The following FREM2 variants were observed in gnomAD, a reference collection of about 807,000 sequenced individuals.
FREM2 encodes FRAS1-related extracellular matrix protein 2.
FREM2 carries 119 observed loss-of-function variants against 219.9 expected under a neutral mutation model. That is an observed-to-expected ratio of 0.54 (90% CI 0.47 to 0.63). The LOEUF (loss-of-function observed/expected upper bound fraction) is 0.63, where lower values mean the gene tolerates loss of function less well. FREM2 is among the 30% of genes least tolerant of loss of function. The pLI, the probability that FREM2 is intolerant of heterozygous loss-of-function variation, is 0.00. For missense variants in FREM2, 4,030 were observed against 3,993.6 expected (o/e 1.01, Z -0.25); for synonymous variants, 1,562 against 1,522.8 (o/e 1.03, Z -0.60).
Position 38,786,388 on chromosome 13 carries a change from T to A in FREM2, c.6019+1580T>A, listed in dbSNP as rs141968367. Among the ~76,000 whole-genome samples, 1,018 of 152,324 alleles carry A rather than the reference T, an allele frequency of 6.7e-3. 6 individuals are homozygous for A. Among genetic ancestry groups the A allele is most frequent in the Non-Finnish European group, 8.8e-3 (599 of 68,020 alleles). On this transcript the variant is annotated intron_variant, in intron 6 of 23. Transcript: ENST00000280481. ...AAGTCTTGATTCTACCTTAAATTTA[T>A]ATAATACCCTATAAGTATAAGCTGC... is the stretch of plus-strand genomic sequence containing the variant.
At chr13:38,726,147 G>A (rs925868309) in intron 2 of FREM2, among the ~76,000 whole-genome samples, 13 of 152,166 alleles carry the variant, frequency 8.5e-5, no homozygotes, top group African/African-American at 3.1e-4. Context: ...GACAGTGACA[G>A]TAACTTTTAT....
At chr13:38,742,779 A>ATTT (rs2137782518) in intron 2 of FREM2, among the ~76,000 whole-genome samples, 1 of 152,328 alleles carries the variant, frequency 6.6e-6, no homozygotes, top group Non-Finnish European at 1.5e-5. Flanking sequence ...AGTTCTCTCA[A>ATTT]TGAATTTTGA....
chr13:38,786,708 A>G (rs1874344850), intron 6 of FREM2, among the ~76,000 whole-genome samples: 1 of 152,172 alleles, frequency 6.6e-6, no homozygotes, highest in African/African-American at 2.4e-5. Flanking sequence ...TCCTGTATGG[A>G]TTGCTATGGG....
rs78582891 is a variant in FREM2, at chr13:38,858,964, G to T, written c.7216-323G>T. On this transcript the variant is annotated intron_variant, in intron 13 of 23. Coordinates refer to ENST00000280481, the MANE Select transcript of FREM2 (RefSeq NM_207361.6). ...CGAGTTCATGACTTACTGGATAAGG[G>T]GGGTAAGATGAGCGACAGGAAGCGG... 7.2e-4 allele frequency among the ~76,000 whole-genome samples: 99 copies of T among 136,676 alleles called. 1 individual carries two copies. Among genetic ancestry groups the T allele is most frequent in the African/African-American group, 2.5e-3 (96 of 38,360 alleles). The allele number at this position is 136,676 out of a possible 152,430, so 89.7% of individuals were successfully genotyped here.
chr13:38,882,601 T>C lies in FREM2; in HGVS notation c.*1814T>C, dbSNP rs1164579376. The C allele has an allele frequency of 2.0e-5, 3 of 152,204 alleles. No homozygotes were observed. Among genetic ancestry groups the C allele is most frequent in the Non-Finnish European group, 4.4e-5 (3 of 68,030 alleles). The allele number at this position is 152,204 out of a possible 1,614,324, so 9.4% of individuals were successfully genotyped here. A position where few individuals can be genotyped will look rare whatever the true frequency, so the allele number is the denominator to read the frequency against. ...ATCATCTACAGCTCAAAAGTCCCAC[T>C]AACGGCTTATATGAACAGAAAGTAC... On this transcript the variant is annotated 3_prime_UTR_variant, in exon 24 of 24. Transcript: ENST00000280481.
intron 6 of FREM2, among the ~76,000 whole-genome samples, chr13:38,840,980 T>G (rs1054435979): frequency 4.6e-5 from 7 of 152,172 alleles, no homozygotes; most frequent in African/African-American, 1.7e-4. Flanking sequence ...TGAAAAACTT[T>G]TATGACTCTT....
In FREM2 at chr13:38,690,075, ACTGATAG is replaced by A. The variant is rs1869751155; in HGVS notation, c.2735_2741del (p.Asp912AlafsTer18). On this transcript the variant is annotated frameshift_variant, in exon 1 of 24. Transcript: ENST00000280481. LOFTEE classifies it high-confidence loss of function. Reference sequence around the variant, plus strand: ...TGCCCATAATGGGGACAAGTCCCTGACTGATAGCTGCTCCTTGGAAGTCAGTGACAGA... The same window carrying A: ...TGCCCATAATGGGGACAAGTCCCTGACTGCTCCTTGGAAGTCAGTGACAGA... 6.2e-7 allele frequency: 1 copy of A among 1,613,962 alleles called. No homozygotes were observed. The highest frequency in any genetic ancestry group is 8.5e-7 in the Non-Finnish European group (1 of 1,180,046).
chr13:38,695,048 A>G (rs1268892711), intron 1 of FREM2, among the ~76,000 whole-genome samples: 5 of 152,240 alleles, frequency 3.3e-5, no homozygotes, highest in Non-Finnish European at 7.3e-5. Flanking sequence ...ACTGAAATAA[A>G]TTTAATGTAT....
At chr13:38,782,964 T>C (rs1566140475) in intron 4 of FREM2, 106 bp from the exon 5 acceptor site, 1 of 1,354,022 alleles carries the variant, frequency 7.4e-7, no homozygotes, top group Admixed American at 1.7e-5. Flanking sequence ...TAAAGAATAT[T>C]CAAGGGGGAA....
chr13:38,690,811 T>C lies in FREM2; in HGVS notation c.3467T>C (p.Val1156Ala). 1 of 1,614,058 alleles carries C rather than the reference T, an allele frequency of 6.2e-7. No homozygotes were observed. Among genetic ancestry groups the C allele is most frequent in the Non-Finnish European group, 8.5e-7 (1 of 1,180,006 alleles). Residue 1156 changes from valine to alanine, a missense_variant, in exon 1 of 24, where the codon GTG becomes GCG. Val to Ala is a moderately conservative substitution (Grantham distance 64, BLOSUM62 0). Coordinates refer to ENST00000280481, the MANE Select transcript of FREM2 (RefSeq NM_207361.6). ...TATGTCCAGAGTGTCCATAAAGGGG[T>C]GGAACCTGTGGAGGACCGATTTGTA... is the stretch of plus-strand genomic sequence containing the variant. Reference protein sequence around the residue: ...INYVQSVHKGVEPVEDRFVFR... With the variant: ...INYVQSVHKGAEPVEDRFVFR...
intron 6 of FREM2, among the ~76,000 whole-genome samples, chr13:38,836,074 G>A (rs1256270225): frequency 6.6e-6 from 1 of 152,108 alleles, no homozygotes; most frequent in Non-Finnish European, 1.5e-5. Context: ...TATTGGCTGT[G>A]GGTTTGTCAT....
intron 2 of FREM2, among the ~76,000 whole-genome samples, chr13:38,713,940 A>G (rs917525130): frequency 4.6e-5 from 7 of 152,226 alleles, no homozygotes. Context: ...ATGCCTCTGA[A>G]CATCTCACAA....
intron 6 of FREM2, among the ~76,000 whole-genome samples, chr13:38,802,469 C>T (rs1301476362): frequency 6.6e-6 from 1 of 152,156 alleles, no homozygotes; most frequent in Non-Finnish European, 1.5e-5. Context: ...GTGGGCCTGC[C>T]ACCAGGAAGG....
rs146234037 is a variant in FREM2 at position 38,740,687 on chromosome 13, A to T, written c.5264-23617A>T. 7.4e-3 allele frequency among the ~76,000 whole-genome samples: 1,123 copies of T among 152,338 alleles called. 10 individuals carry two copies. Among genetic ancestry groups the T allele is most frequent in the Non-Finnish European group, 0.012 (843 of 68,022 alleles). On this transcript the variant is annotated intron_variant, in intron 2 of 23. Transcript: ENST00000280481. ...CTATTGGCCCTGTGGGCATCAATTA[A>T]TGTTGATCATAATTAAAATTTTAAT...
At chr13:38,752,260 T>C (rs1330828071) in intron 2 of FREM2, among the ~76,000 whole-genome samples, 2 of 152,168 alleles carry the variant, frequency 1.3e-5, no homozygotes, top group African/African-American at 4.8e-5. Context: ...ACACATCTCA[T>C]TTAGTTTCTC....
At chr13:38,811,902 C>CTAG (rs1566150797) in intron 6 of FREM2, among the ~76,000 whole-genome samples, 1 of 152,170 alleles carries the variant, frequency 6.6e-6, no homozygotes, top group Non-Finnish European at 1.5e-5. Flanking sequence ...CTTGAAGTCT[C>CTAG]TAGCTGTTAT....
intron 2 of FREM2, among the ~76,000 whole-genome samples, chr13:38,702,143 G>A (rs1870368428): frequency 3.3e-5 from 5 of 152,044 alleles, no homozygotes. Context: ...ATGGCACCAG[G>A]AAAGTTTTTT....
At chr13:38,728,419 T>G (rs932711424) in intron 2 of FREM2, among the ~76,000 whole-genome samples, 1 of 152,078 alleles carries the variant, frequency 6.6e-6, no homozygotes, top group African/African-American at 2.4e-5. Context: ...ATTATTATTC[T>G]TTTTTTAAAT....
At position 38,691,290 on chromosome 13, in the gene FREM2, A is replaced by G. The variant is rs1869838612; in HGVS notation, c.3946A>G (p.Ile1316Val). ...TATCAATAATGGACTAGAAATAGAA[A>G]TTGGGGATACCAAGATTATCAACAA... ...MTINNGLEIE[I>V]GDTKIINNKI... The change falls in exon 1 of 24, where the codon ATT (isoleucine) becomes GTT (valine). Residue 1316 changes from isoleucine to valine, a missense_variant. Around this residue, in one of 2 missense-constraint regions of FREM2, gnomAD observed 3,102 missense variants for 2,950.7 expected, o/e 1.05. Coordinates refer to ENST00000280481, the MANE Select transcript of FREM2 (RefSeq NM_207361.6). 2 of 1,614,008 alleles carry G rather than the reference A, an allele frequency of 1.2e-6. No individual in the cohort carries two copies. Among genetic ancestry groups the G allele is most frequent in the Non-Finnish European group, 1.7e-6 (2 of 1,179,876 alleles).
Sources: allele counts gnomAD v4.1 joint callset (sites outside exome capture counted in the v4.1 genomes callset), GRCh38; gene constraint gnomAD v4.1.1; regional missense constraint gnomAD v4.1.1; transcripts MANE v1.5; gene names NCBI Gene and HGNC (gene_info 2026-07-23, HGNC 2026-07-21).